LRP1B: variants seen among roughly 807,000 people sequenced by gnomAD.
LRP1B encodes low-density lipoprotein receptor-related protein 1B.
In LRP1B, 217 loss-of-function variants were observed where a neutral mutation model predicts 556.6. That is an observed-to-expected ratio of 0.39 (90% CI 0.35 to 0.44). The LOEUF (loss-of-function observed/expected upper bound fraction) is 0.44, where lower values mean the gene tolerates loss of function less well. LRP1B is among the 20% of genes least tolerant of loss of function. LRP1B has a pLI of 1.00. For synonymous variants in LRP1B, 2,047 were observed against 1,865.8 expected (o/e 1.10, Z -2.50); for missense variants, 5,053 against 5,620.8 (o/e 0.90, Z 3.23).
chr2:140,274,855 A>G (rs1682604793), intron 84 of LRP1B, among the ~76,000 whole-genome samples: 1 of 151,984 alleles, frequency 6.6e-6, no homozygotes, highest in African/African-American at 2.4e-5. Flanking sequence ...TTGGTTCTGA[A>G]TATTAAAGCT....
intron 71 of LRP1B, among the ~76,000 whole-genome samples, chr2:140,366,830 A>G (rs1682783076): frequency 6.6e-6 from 1 of 151,782 alleles, no homozygotes; most frequent in African/African-American, 2.4e-5. Context: ...AGAGACCAGA[A>G]AGTGAGCCTT....
chr2:141,708,175 T>C (rs1279936412), intron 2 of LRP1B, among the ~76,000 whole-genome samples: 2 of 151,986 alleles, frequency 1.3e-5, no homozygotes, highest in Admixed American at 6.6e-5. Flanking sequence ...CGTTTACCTA[T>C]GTAACAAACC....
At chr2:141,978,062 G>A (rs1038940797) in intron 1 of LRP1B, among the ~76,000 whole-genome samples, 8 of 151,868 alleles carry the variant, frequency 5.3e-5, no homozygotes, top group African/African-American at 1.7e-4. Flanking sequence ...TTTTAAATGC[G>A]GTTTTGGTAT....
At chr2:140,769,462 C>T (rs1312424790) in intron 34 of LRP1B, 118 bp from the exon 35 acceptor site, 2 of 1,080,076 alleles carry the variant, frequency 1.9e-6, no homozygotes, top group Non-Finnish European at 2.5e-6. Context: ...AAATGTATTT[C>T]CTGGCCTTTT....
intron 2 of LRP1B, among the ~76,000 whole-genome samples, chr2:141,556,801 G>A (rs970865339): frequency 1.3e-5 from 2 of 151,754 alleles, no homozygotes; most frequent in African/African-American, 4.8e-5. Context: ...GTGTCAGGAA[G>A]TAATCAATAG....
chr2:141,481,451 T>C (rs184906251), intron 2 of LRP1B, among the ~76,000 whole-genome samples: 74 of 152,318 alleles, frequency 4.9e-4, no homozygotes, highest in Admixed American at 1.0e-3. Context: ...TGACATAGAT[T>C]ATTGCAACAG....
chr2:141,909,685 G>A (rs1292286678), intron 1 of LRP1B, among the ~76,000 whole-genome samples: 2 of 151,502 alleles, frequency 1.3e-5, no homozygotes. Flanking sequence ...AGCAAGACAG[G>A]GAAAAACATA....
intron 3 of LRP1B, among the ~76,000 whole-genome samples, chr2:141,409,690 C>T (rs201092800): frequency 6.6e-6 from 1 of 151,854 alleles, no homozygotes; most frequent in East Asian, 1.9e-4. Flanking sequence ...GTCAAACCAA[C>T]AATGCAAACA....
chr2:141,034,314 C>G (rs1013599617), intron 11 of LRP1B, among the ~76,000 whole-genome samples: 9 of 152,030 alleles, frequency 5.9e-5, no homozygotes, highest in Non-Finnish European at 1.3e-4. Context: ...ATCTTCATGT[C>G]TAAAACACCA....
chr2:141,600,581 CATT>C (rs10588214), intron 2 of LRP1B, among the ~76,000 whole-genome samples: 3,725 of 152,148 alleles, frequency 0.024, 148 homozygotes, highest in African/African-American at 0.085. Flanking sequence ...ACGTAACCAC[CATT>C]AGATCCAGAG....
At chr2:140,599,982 T>A (rs1052590747) in intron 42 of LRP1B, among the ~76,000 whole-genome samples, 1 of 152,168 alleles carries the variant, frequency 6.6e-6, no homozygotes, top group African/African-American at 2.4e-5. Context: ...ACATATATGA[T>A]GATAAATTGC....
At chr2:141,941,392 G>A (rs1700798836) in intron 1 of LRP1B, among the ~76,000 whole-genome samples, 1 of 152,194 alleles carries the variant, frequency 6.6e-6, no homozygotes, top group Non-Finnish European at 1.5e-5. Context: ...ACTGCCCTTA[G>A]GGAGCTCAGT....
chr2:140,683,515 T>A (rs1306508646), intron 41 of LRP1B: 1 of 597,744 alleles, frequency 1.7e-6, no homozygotes, highest in Non-Finnish European at 3.2e-6. Context: ...CTCCCCTGGA[T>A]GTCGTCAGCA....
At chr2:140,420,120 A>G (rs1437379890) in intron 66 of LRP1B, among the ~76,000 whole-genome samples, 1 of 152,082 alleles carries the variant, frequency 6.6e-6, no homozygotes, top group Non-Finnish European at 1.5e-5. Context: ...AGTATTTAGC[A>G]TCAGCATTTA....
chr2:141,148,618 T>C (rs1701843109), intron 7 of LRP1B, among the ~76,000 whole-genome samples: 1 of 152,132 alleles, frequency 6.6e-6, no homozygotes, highest in Admixed American at 6.6e-5. Flanking sequence ...GAAAGTCTGG[T>C]ATTCATGACG....
chr2:141,020,730 T>C (rs1698041161), intron 11 of LRP1B, among the ~76,000 whole-genome samples: 2 of 152,022 alleles, frequency 1.3e-5, no homozygotes, highest in Admixed American at 6.6e-5. Context: ...TTATATGAGA[T>C]ACAGGCAGTG....
At chr2:141,231,997 A>G (rs767273984) in intron 5 of LRP1B, among the ~76,000 whole-genome samples, 1 of 152,198 alleles carries the variant, frequency 6.6e-6, no homozygotes, top group Non-Finnish European at 1.5e-5. Context: ...TCATTTCCAC[A>G]AAAACAAAGT....
chr2:140,973,070 ATATATATAT>A (rs1018162123), intron 18 of LRP1B, among the ~76,000 whole-genome samples: 3 of 146,828 alleles, frequency 2.0e-5, no homozygotes, highest in Non-Finnish European at 3.0e-5. Context: ...ATATATATAT[ATATATATAT>A]ATTTCTAAAC....
intron 27 of LRP1B, among the ~76,000 whole-genome samples, chr2:140,856,761 A>ACG (rs1254283667): frequency 2.0e-5 from 3 of 151,200 alleles, no homozygotes; most frequent in African/African-American, 7.3e-5. Context: ...ACACACACAC[A>ACG]CACACACACA....
Sources: allele counts gnomAD v4.1 joint callset (sites outside exome capture counted in the v4.1 genomes callset), GRCh38; gene constraint gnomAD v4.1.1; transcripts MANE v1.5; gene names NCBI Gene and HGNC (gene_info 2026-07-23, HGNC 2026-07-21).